PLCG2: variants seen among roughly 807,000 people sequenced by gnomAD.
The protein encoded by PLCG2 is phospholipase C gamma 2, also known as 1-phosphatidylinositol 4,5-bisphosphate phosphodiesterase gamma-2.
A neutral mutation model predicts 175.6 loss-of-function variants in PLCG2; 69 were observed. The ratio of observed to expected loss-of-function variants is 0.39; its 90% CI spans 0.32 to 0.48. The LOEUF (loss-of-function observed/expected upper bound fraction) is 0.48. Among genes scored for constraint, PLCG2 ranks in the 20% least tolerant of loss-of-function variants. The pLI, the probability that PLCG2 is intolerant of heterozygous loss-of-function variation, is 0.91. For synonymous variants in PLCG2, 827 were observed against 624.0 expected (o/e 1.33, Z -4.85); for missense variants, 1,798 against 1,650.9 (o/e 1.09, Z -1.54).
intron 2 of PLCG2, among the ~76,000 whole-genome samples, chr16:81,771,251 A>G (rs140749254): frequency 2.5e-3 from 385 of 152,170 alleles, no homozygotes; most frequent in Non-Finnish European, 2.0e-3. Context: ...TGTGTGAGAA[A>G]AAGTCTCTTT....
At chr16:81,939,594 C>G (rs1020855288) in intron 29 of PLCG2, among the ~76,000 whole-genome samples, 1 of 146,200 alleles carries the variant, frequency 6.8e-6, no homozygotes, top group South Asian at 2.1e-4. Flanking sequence ...AATCCACCTT[C>G]CTGCTCTGCA....
intron 16 of PLCG2, 130 bp from the exon 17 acceptor site, chr16:81,908,285 TG>T: frequency 1.3e-6 from 1 of 771,960 alleles, no homozygotes; most frequent in Non-Finnish European, 2.1e-6. Flanking sequence ...CCCCTTCGGG[TG>T]GGGACCAGCT....
chr16:81,891,101 T>A (rs1280841079), intron 10 of PLCG2, among the ~76,000 whole-genome samples: 1 of 152,172 alleles, frequency 6.6e-6, no homozygotes, highest in Non-Finnish European at 1.5e-5. Context: ...AGGTGGAGGT[T>A]GCAGTGAGCT....
chr16:81,936,132 A>T (rs1421419582), intron 26 of PLCG2, 37 bp from the exon 27 acceptor site: 2 of 1,609,828 alleles, frequency 1.2e-6, no homozygotes, highest in East Asian at 2.2e-5. Context: ...CACAGATGAG[A>T]CACAGAAGTA....
At chr16:81,824,659 G>C (rs897855717) in intron 2 of PLCG2, among the ~76,000 whole-genome samples, 2 of 152,186 alleles carry the variant, frequency 1.3e-5, no homozygotes, top group East Asian at 3.8e-4. Context: ...TAATTAAAGG[G>C]CAACACTGAG....
intron 31 of PLCG2, among the ~76,000 whole-genome samples, chr16:81,948,316 G>A (rs1318118550): frequency 6.7e-5 from 10 of 149,658 alleles, no homozygotes; most frequent in African/African-American, 2.2e-4. Flanking sequence ...GTGAGATCCC[G>A]AAGAATGGGA....
intron 2 of PLCG2, among the ~76,000 whole-genome samples, chr16:81,840,905 C>T (rs913954211): frequency 6.6e-6 from 1 of 152,172 alleles, no homozygotes; most frequent in East Asian, 1.9e-4. Context: ...TTCCTTTTTC[C>T]AGGGAGTGGT....
chr16:81,894,598 C>A (rs184429960), intron 12 of PLCG2, among the ~76,000 whole-genome samples: 2 of 151,532 alleles, frequency 1.3e-5, no homozygotes, highest in African/African-American at 4.9e-5. Flanking sequence ...ACCAGCTTGT[C>A]GTGGTGTCTC....
intron 2 of PLCG2, among the ~76,000 whole-genome samples, chr16:81,814,479 G>C (rs113911917): frequency 0.027 from 4,135 of 152,060 alleles, 156 homozygotes; most frequent in African/African-American, 0.085. Context: ...GATCACATGA[G>C]GTCAGGAGTT....
chr16:81,765,209 A>T (rs991478315), intron 2 of PLCG2, among the ~76,000 whole-genome samples: 2 of 152,280 alleles, frequency 1.3e-5, no homozygotes, highest in African/African-American at 2.4e-5. Context: ...CAGGGAGAGC[A>T]CCATGTGACA....
intron 2 of PLCG2, among the ~76,000 whole-genome samples, chr16:81,829,251 T>G (rs1237155950): frequency 6.6e-6 from 1 of 152,114 alleles, no homozygotes; most frequent in Non-Finnish European, 1.5e-5. Flanking sequence ...TGGGATTACA[T>G]GCACACACCA....
intron 2 of PLCG2, among the ~76,000 whole-genome samples, chr16:81,792,907 T>G (rs1228895820): frequency 6.6e-6 from 1 of 152,202 alleles, no homozygotes; most frequent in African/African-American, 2.4e-5. Flanking sequence ...AGCTAATTCT[T>G]TTGTTATATT....
At chr16:81,848,397 G>T (rs1170900304) in intron 2 of PLCG2, among the ~76,000 whole-genome samples, 2 of 152,188 alleles carry the variant, frequency 1.3e-5, no homozygotes, top group Admixed American at 1.3e-4. Context: ...CCCTTTGGAA[G>T]GGGGTGTGCG....
chr16:81,834,033 G>C (rs1373943661), intron 2 of PLCG2, among the ~76,000 whole-genome samples: 1 of 152,282 alleles, frequency 6.6e-6, no homozygotes, highest in Admixed American at 6.5e-5. Context: ...GTGGGAATGG[G>C]GACAGGAGGT....
At chr16:81,937,958 G>A (rs1018840930) in intron 28 of PLCG2, 55 bp downstream of exon 28, 116 of 1,576,234 alleles carry the variant, frequency 7.4e-5, no homozygotes, top group Non-Finnish European at 9.9e-5. Context: ...CCTGGGGGCT[G>A]GGCCGATGCT....
intron 1 of PLCG2, among the ~76,000 whole-genome samples, chr16:81,755,060 C>G (rs12923235): frequency 1.3e-5 from 2 of 152,122 alleles, no homozygotes; most frequent in Non-Finnish European, 2.9e-5. Context: ...CTCACTTCCT[C>G]TGCTATTGTG....
At chr16:81,858,141 C>G in intron 3 of PLCG2, 122 bp from the exon 4 acceptor site, 1 of 743,356 alleles carries the variant, frequency 1.3e-6, no homozygotes, top group Non-Finnish European at 2.4e-6. Context: ...TCTTTGCCTT[C>G]TGCAAAACTA....
intron 2 of PLCG2, among the ~76,000 whole-genome samples, chr16:81,807,233 A>G (rs1904285368): frequency 6.6e-6 from 1 of 152,114 alleles, no homozygotes; most frequent in Non-Finnish European, 1.5e-5. Flanking sequence ...CTCCTCCTAC[A>G]TCAGGAGAGG....
At chr16:81,845,195 C>G (rs957410472) in intron 2 of PLCG2, among the ~76,000 whole-genome samples, 2 of 152,172 alleles carry the variant, frequency 1.3e-5, no homozygotes, top group Admixed American at 1.3e-4. Flanking sequence ...CCTACTTCAA[C>G]CTCCCAAAGT....
Sources: gnomAD v4.1 joint callset for allele counts (sites outside exome capture counted in the v4.1 genomes callset) on GRCh38, gnomAD v4.1.1 for gene constraint, MANE v1.5 for transcripts, NCBI Gene and HGNC (gene_info 2026-07-23, HGNC 2026-07-21) for gene names.